Variants in KIAA0753 observed in about 807,000 individuals in gnomAD.
KIAA0753 encodes KIAA0753.
In KIAA0753, 114 loss-of-function variants were observed where a neutral mutation model predicts 116.9. The observed-to-expected ratio is 0.98, with a 90% CI of 0.84 to 1.14. KIAA0753 has a LOEUF of 1.14. KIAA0753 is among the 50% of genes most tolerant of loss of function. The pLI, the probability that KIAA0753 is intolerant of heterozygous loss-of-function variation, is 0.00. For missense variants in KIAA0753, 1,156 were observed against 1,172.4 expected, an observed-to-expected ratio of 0.99 and a Z score of 0.20; for synonymous variants, 405 against 413.1, an observed-to-expected ratio of 0.98 and a Z score of 0.24.
chr17:6,624,471 C>T (rs955496415), intron 4 of KIAA0753, among the ~76,000 whole-genome samples: 2 of 150,838 alleles, frequency 1.3e-5, no homozygotes, highest in South Asian at 4.2e-4. Flanking sequence ...GGAGGAGTGG[C>T]TTTTAATAGA....
chr17:6,608,230 T>C, intron 10 of KIAA0753, 118 bp downstream of exon 10: 1 of 463,474 alleles, frequency 2.2e-6, no homozygotes, highest in Non-Finnish European at 3.9e-6. Context: ...TTTTTAAAAA[T>C]AATCTACATT....
chr17:6,601,302 T>A (rs1969857016), intron 12 of KIAA0753, among the ~76,000 whole-genome samples: 1 of 152,210 alleles, frequency 6.6e-6, no homozygotes, highest in African/African-American at 2.4e-5. Context: ...TGGCTCATTC[T>A]CTGTGTGAGG....
chr17:6,628,612 C>T lies in KIAA0753; in HGVS notation c.223G>A (p.Ala75Thr), dbSNP rs781703857. 1 of 1,614,170 alleles carries T rather than the reference C, an allele frequency of 6.2e-7. No individual in the cohort carries two copies. The highest frequency in any genetic ancestry group is 8.5e-7 in the Non-Finnish European group (1 of 1,180,026). Residue 75 changes from alanine (A) to threonine (T), a missense_variant, in exon 3 of 19, where the codon GCA becomes ACA. Physicochemically the swap from Ala to Thr is moderately conservative, Grantham distance 58. Coordinates refer to ENST00000361413, the MANE Select transcript of KIAA0753 (RefSeq NM_014804.3). The stretch of plus-strand genomic sequence containing the variant: ...AGGTCAGGACCAACTCTACAATCTG[C>T]ATCTTTACAATGGTATGATTCATTG... ...SYNESYHCKD[A>T]DCRVGPDLGS...
At chr17:6,594,682 T>C (rs1157051741) in intron 16 of KIAA0753, among the ~76,000 whole-genome samples, 1 of 152,170 alleles carries the variant, frequency 6.6e-6, no homozygotes. Flanking sequence ...CTGTAAATTT[T>C]ATCTTGAAAA....
intron 8 of KIAA0753, among the ~76,000 whole-genome samples, chr17:6,610,869 G>A (rs1260787168): frequency 1.3e-5 from 2 of 152,148 alleles, no homozygotes; most frequent in Non-Finnish European, 2.9e-5. Flanking sequence ...TGTCTGTGGA[G>A]AGGCGCACCC....
Position 6,609,116 on chromosome 17 carries a change from G to A in KIAA0753, c.1713-652C>T, listed in dbSNP as rs146082063. Among the ~76,000 whole-genome samples the A allele has an allele frequency of 9.8e-4, 149 of 152,280 alleles. 1 individual carries two copies. The highest frequency in any genetic ancestry group is 3.4e-3 in the African/African-American group (140 of 41,554). ...TTTCCTTAACTTGAAAATGAGAGTG[G>A]ATGGATGAGCACGGCCATTCCTTCA... On this transcript the variant is annotated intron_variant, in intron 9 of 18. Coordinates refer to ENST00000361413, the MANE Select transcript of KIAA0753 (RefSeq NM_014804.3).
chr17:6,615,629 A>AC (rs1189265025), intron 7 of KIAA0753, among the ~76,000 whole-genome samples: 1 of 151,484 alleles, frequency 6.6e-6, no homozygotes, highest in Non-Finnish European at 1.5e-5. Context: ...AAAAAAAAAA[A>AC]AAAAAAAAAA....
At chr17:6,590,727 T>C (rs992678585) in intron 16 of KIAA0753, 97 bp from the exon 17 acceptor site, 18 of 1,326,800 alleles carry the variant, frequency 1.4e-5, no homozygotes, top group Non-Finnish European at 1.9e-5. Context: ...GCAAGTTACA[T>C]GGACATCTCT....
chr17:6,630,695 C>A (rs73350289), intron 2 of KIAA0753, among the ~76,000 whole-genome samples: 1 of 152,062 alleles, frequency 6.6e-6, no homozygotes, highest in Non-Finnish European at 1.5e-5. Context: ...AGGAGAGTAG[C>A]TGAGTAAACA....
At chr17:6,619,706 C>T (rs1473863344) in intron 7 of KIAA0753, among the ~76,000 whole-genome samples, 1 of 151,944 alleles carries the variant, frequency 6.6e-6, no homozygotes, top group Non-Finnish European at 1.5e-5. Context: ...GGTTTACAGG[C>T]GTGAGCCACC....
At chr17:6,589,605 G>A (rs756507693) in intron 18 of KIAA0753, among the ~76,000 whole-genome samples, 174 bp downstream of exon 18, 9 of 152,122 alleles carry the variant, frequency 5.9e-5, no homozygotes, top group Non-Finnish European at 5.9e-5. Context: ...GCTGTTTTAC[G>A]GTTCCCTGTG....
chr17:6,581,745 A>G (rs1968194764), intron 18 of KIAA0753, among the ~76,000 whole-genome samples: 1 of 152,206 alleles, frequency 6.6e-6, no homozygotes, highest in African/African-American at 2.4e-5. Flanking sequence ...ATCCATTACT[A>G]TTATTACATA....
chr17:6,609,908 T>C, intron 9 of KIAA0753, 86 bp downstream of exon 9: 1 of 1,433,558 alleles, frequency 7.0e-7, no homozygotes, highest in Non-Finnish European at 9.5e-7. Context: ...CTACTTAATT[T>C]GCTCCTTATA....
At chr17:6,597,985 T>C (rs1045835836) in intron 14 of KIAA0753, among the ~76,000 whole-genome samples, 2 of 152,286 alleles carry the variant, frequency 1.3e-5, no homozygotes, top group Non-Finnish European at 2.9e-5. Flanking sequence ...GTGAAGCTGC[T>C]ATTTAACAAC....
At chr17:6,634,932 A>C in intron 2 of KIAA0753, 79 bp downstream of exon 2, 1 of 927,942 alleles carries the variant, frequency 1.1e-6, no homozygotes, top group Non-Finnish European at 1.7e-6. Context: ...GTGATTTCAA[A>C]AGTGTTCACT....
At chr17:6,624,459 G>A (rs942673161) in intron 4 of KIAA0753, among the ~76,000 whole-genome samples, 3 of 151,916 alleles carry the variant, frequency 2.0e-5, no homozygotes, top group Admixed American at 1.3e-4. Context: ...TCTTGGGGGT[G>A]GGGAGGAGTG....
Position 6,579,750 on chromosome 17 carries a change from T to C in KIAA0753, c.2901A>G (p.Thr967=). 1.2e-6 allele frequency: 2 copies of C among 1,607,300 alleles called. No homozygotes were observed. The highest frequency in any genetic ancestry group is 1.7e-6 in the Non-Finnish European group (2 of 1,174,202). The change falls in exon 19 of 19, where the codon ACA becomes ACG. Residue 967 remains threonine (T), a synonymous_variant. Coordinates refer to ENST00000361413, the MANE Select transcript of KIAA0753 (RefSeq NM_014804.3). ...VFTSEFLEAA[T] The stretch of plus-strand genomic sequence containing the variant: ...ATGGCCTCGCCTCAGAGAGCCTTTA[T>C]GTAGCAGCCTCTAAGAATTCTGAGG...
intron 16 of KIAA0753, among the ~76,000 whole-genome samples, chr17:6,592,534 T>C (rs1441292970): frequency 1.3e-5 from 2 of 152,142 alleles, no homozygotes; most frequent in Non-Finnish European, 2.9e-5. Flanking sequence ...CCCAAATACA[T>C]ATATATACAT....
chr17:6,599,340 C>T lies in KIAA0753; in HGVS notation c.2089-20G>A, dbSNP rs755803286. Reference sequence around the variant, plus strand: ...GACTCTCTATTAAAACAGACAAATACATTCATGGAGTATAAAGACTTATAG... The same window carrying T: ...GACTCTCTATTAAAACAGACAAATATATTCATGGAGTATAAAGACTTATAG... On this transcript the variant is annotated intron_variant, in intron 13 of 18. Coordinates refer to ENST00000361413, the MANE Select transcript of KIAA0753 (RefSeq NM_014804.3). 7 of 1,506,358 alleles carry T rather than the reference C, an allele frequency of 4.6e-6. No homozygotes were observed. In the East Asian group the frequency reaches 1.6e-4, roughly 34 times the overall value. 93.3% of individuals were successfully genotyped at this position (1,506,358 alleles called of 1,614,324 possible). A position where few individuals can be genotyped will look rare whatever the true frequency, so the allele number is the denominator to read the frequency against.
Sources: gnomAD v4.1 joint callset for allele counts (sites outside exome capture counted in the v4.1 genomes callset) on GRCh38, gnomAD v4.1.1 for gene constraint, MANE v1.5 for transcripts, NCBI Gene and HGNC (gene_info 2026-07-23, HGNC 2026-07-21) for gene names.